The following BBX variants were observed in gnomAD, a reference collection of about 807,000 sequenced individuals.
BBX encodes the protein HMG box transcription factor BBX.
In BBX, 30 loss-of-function variants were observed where a neutral mutation model predicts 100.2. The ratio of observed to expected loss-of-function variants is 0.30; its 90% CI spans 0.22 to 0.41. The LOEUF is 0.41. BBX is among the 10% of genes least tolerant of loss of function. BBX has a pLI of 1.00. For synonymous variants in BBX, 376 were observed against 388.1 expected, an observed-to-expected ratio of 0.97 and a Z score of 0.37; for missense variants, 1,023 against 1,129.8, an observed-to-expected ratio of 0.91 and a Z score of 1.35.
At chr3:107,743,918 G>GTTT (rs34762783) in intron 7 of BBX, among the ~76,000 whole-genome samples, 1 of 56,622 alleles carries the variant, frequency 1.8e-5, no homozygotes, top group Non-Finnish European at 3.1e-5. Context: ...TGTTTTAGTG[G>GTTT]TTTTTTTTTT....
chr3:107,554,548 A>G (rs2049938317), intron 2 of BBX, among the ~76,000 whole-genome samples: 1 of 152,208 alleles, frequency 6.6e-6, no homozygotes, highest in Non-Finnish European at 1.5e-5. Flanking sequence ...ATTTTAATAT[A>G]CAAAGTAACC....
intron 2 of BBX, among the ~76,000 whole-genome samples, chr3:107,568,540 T>C (rs910247170): frequency 5.9e-5 from 9 of 152,190 alleles, no homozygotes; most frequent in African/African-American, 2.2e-4. Flanking sequence ...ATTACAGGCA[T>C]GAGCCACTGC....
intron 3 of BBX, among the ~76,000 whole-genome samples, chr3:107,663,143 G>T (rs897073694): frequency 8.5e-5 from 13 of 152,186 alleles, no homozygotes; most frequent in African/African-American, 3.1e-4. Flanking sequence ...ATTAGAAATG[G>T]TGAATTAGAC....
intron 7 of BBX, among the ~76,000 whole-genome samples, chr3:107,734,515 T>G (rs114184915): frequency 1.1e-4 from 17 of 152,334 alleles, no homozygotes; most frequent in African/African-American, 4.1e-4. Context: ...CCCAAGCGTG[T>G]TCCAAAGGTG....
At chr3:107,741,351 A>G (rs1462556474) in intron 7 of BBX, among the ~76,000 whole-genome samples, 1 of 152,116 alleles carries the variant, frequency 6.6e-6, no homozygotes, top group Non-Finnish European at 1.5e-5. Context: ...TGTAATTCTT[A>G]ATTATACTAA....
rs546316395 is a variant in BBX, at chr3:107,656,118, G to T, written c.-10+10209G>T. Among the ~76,000 whole-genome samples, 3 of 152,196 alleles carry T rather than the reference G, an allele frequency of 2.0e-5. No homozygotes were observed. In the South Asian group the frequency reaches 6.2e-4, roughly 32 times the overall value. The stretch of plus-strand genomic sequence containing the variant: ...TTAATTCATAAACTTGAAAAGAGAT[G>T]CAAAATTTTCCTTCATTTCAAGTTA... On this transcript the variant is annotated intron_variant, in intron 3 of 17. Coordinates refer to ENST00000325805, the MANE Select transcript of BBX (RefSeq NM_001142568.3).
intron 8 of BBX, among the ~76,000 whole-genome samples, chr3:107,745,145 T>A (rs1249525224): frequency 6.6e-6 from 1 of 152,200 alleles, no homozygotes; most frequent in Admixed American, 6.5e-5. Context: ...AACTTTAGCA[T>A]GAGGTTGGCA....
chr3:107,545,534 T>A (rs1209515847), intron 2 of BBX, among the ~76,000 whole-genome samples: 1 of 152,238 alleles, frequency 6.6e-6, no homozygotes, highest in Non-Finnish European at 1.5e-5. Context: ...GTTTTCAGAA[T>A]GTGCTTGTAT....
At chr3:107,671,482 C>T (rs2059015673) in intron 3 of BBX, among the ~76,000 whole-genome samples, 1 of 151,884 alleles carries the variant, frequency 6.6e-6, no homozygotes, top group African/African-American at 2.4e-5. Flanking sequence ...TCAAGATTGA[C>T]CTAACAAGGG....
chr3:107,800,874 C>T (rs1371592520), intron 16 of BBX, among the ~76,000 whole-genome samples: 1 of 152,210 alleles, frequency 6.6e-6, no homozygotes, highest in Non-Finnish European at 1.5e-5. Flanking sequence ...TTCAGCTCAG[C>T]CTCAGGGCAC....
intron 2 of BBX, among the ~76,000 whole-genome samples, chr3:107,613,332 G>A (rs1048913276): frequency 3.4e-5 from 5 of 148,780 alleles, no homozygotes; most frequent in Admixed American, 6.8e-5. Flanking sequence ...GACTACAGGC[G>A]CCCGCCACCA....
chr3:107,557,414 A>T (rs1490159283), intron 2 of BBX, among the ~76,000 whole-genome samples: 1 of 152,224 alleles, frequency 6.6e-6, no homozygotes, highest in Non-Finnish European at 1.5e-5. Flanking sequence ...AATGACCATT[A>T]TTCACTGAAA....
intron 3 of BBX, among the ~76,000 whole-genome samples, chr3:107,705,143 G>T (rs957225684): frequency 6.6e-6 from 1 of 152,074 alleles, no homozygotes; most frequent in African/African-American, 2.4e-5. Context: ...CAGTGTCTTT[G>T]GGCTGGTTTT....
At chr3:107,706,361 T>C (rs970129621) in intron 3 of BBX, among the ~76,000 whole-genome samples, 1 of 152,136 alleles carries the variant, frequency 6.6e-6, no homozygotes, top group African/African-American at 2.4e-5. Flanking sequence ...AAATGAAATT[T>C]TTCCTAATCT....
At chr3:107,799,909 A>G (rs1309745069) in intron 16 of BBX, among the ~76,000 whole-genome samples, 1 of 152,172 alleles carries the variant, frequency 6.6e-6, no homozygotes, top group East Asian at 1.9e-4. Context: ...TATACCAGCT[A>G]GGTACTAGTG....
At chr3:107,642,871 T>C (rs762120632) in intron 2 of BBX, among the ~76,000 whole-genome samples, 1 of 152,108 alleles carries the variant, frequency 6.6e-6, no homozygotes, top group Non-Finnish European at 1.5e-5. Context: ...TTATTGAGCT[T>C]GATTGAATTA....
intron 6 of BBX, among the ~76,000 whole-genome samples, chr3:107,730,380 A>G (rs1425368100): frequency 2.0e-5 from 3 of 152,166 alleles, no homozygotes; most frequent in Admixed American, 1.3e-4. Context: ...GAAAGAGTAT[A>G]TAGATAACTG....
intron 3 of BBX, chr3:107,677,551 C>T (rs892582816): frequency 2.0e-5 from 3 of 152,174 alleles, no homozygotes; most frequent in Non-Finnish European, 4.4e-5. Flanking sequence ...AGCCTGCCTA[C>T]ATGCTCAGAA....
intron 2 of BBX, among the ~76,000 whole-genome samples, chr3:107,572,190 G>A (rs2051417734): frequency 6.6e-6 from 1 of 152,158 alleles, no homozygotes. Flanking sequence ...GAACCACTGT[G>A]TGCTGGTGAC....
Sources: allele counts gnomAD v4.1 joint callset (sites outside exome capture counted in the v4.1 genomes callset), GRCh38; gene constraint gnomAD v4.1.1; transcripts MANE v1.5; gene names NCBI Gene and HGNC (gene_info 2026-07-23, HGNC 2026-07-21).